MSRB3: variants seen among roughly 807,000 people sequenced by gnomAD.
The protein encoded by MSRB3 is methionine-R-sulfoxide reductase B3.
In MSRB3, 13 loss-of-function variants were observed where a neutral mutation model predicts 21.0. That is an observed-to-expected ratio of 0.62 (90% confidence interval 0.40 to 0.98). The LOEUF (loss-of-function observed/expected upper bound fraction) is 0.98. MSRB3 is among the 50% of genes least tolerant of loss of function. The pLI is 0.00. For missense variants in MSRB3, 199 were observed against 230.3 expected (o/e 0.86, Z 0.88); for synonymous variants, 87 against 88.6 (o/e 0.98, Z 0.10).
intron 4 of MSRB3, among the ~76,000 whole-genome samples, chr12:65,332,615 C>T (rs978523796): frequency 3.3e-5 from 5 of 152,078 alleles, no homozygotes; most frequent in African/African-American, 1.2e-4. Flanking sequence ...TGCACATGTA[C>T]CCCAGAACTT....
intron 5 of MSRB3, among the ~76,000 whole-genome samples, chr12:65,369,748 G>A (rs147057939): frequency 4.6e-5 from 7 of 152,200 alleles, no homozygotes; most frequent in East Asian, 3.9e-4. Flanking sequence ...AAGGAATTAC[G>A]TATGCCCTTT....
At chr12:65,294,098 A>G (rs7306938) in intron 1 of MSRB3, among the ~76,000 whole-genome samples, 63,207 of 152,020 alleles carry the variant, frequency 0.42, 14,542 homozygotes, top group African/African-American at 0.62. Context: ...TTCTTAGGTT[A>G]GCTGTCTTTT....
chr12:65,328,670 T>C, intron 4 of MSRB3, 67 bp downstream of exon 4: 1 of 1,063,202 alleles, frequency 9.4e-7, no homozygotes, highest in Non-Finnish European at 1.5e-6. Context: ...TATTGCTTTT[T>C]CATCTTAGAA....
intron 5 of MSRB3, among the ~76,000 whole-genome samples, chr12:65,406,621 G>A (rs1052645131): frequency 6.6e-6 from 1 of 152,176 alleles, no homozygotes; most frequent in African/African-American, 2.4e-5. Context: ...AAGAGACCCT[G>A]AATAACCAAA....
At chr12:65,460,918 A>G (rs1448057763) in intron 6 of MSRB3, among the ~76,000 whole-genome samples, 2 of 152,204 alleles carry the variant, frequency 1.3e-5, no homozygotes, top group Non-Finnish European at 2.9e-5. Flanking sequence ...AATTAAGACC[A>G]TATAACTCAT....
intron 5 of MSRB3, among the ~76,000 whole-genome samples, chr12:65,446,068 T>A (rs903414783): frequency 6.6e-6 from 1 of 152,254 alleles, no homozygotes; most frequent in Non-Finnish European, 1.5e-5. Context: ...TTGTCTGGAC[T>A]GAACTAGTTT....
chr12:65,383,786 A>G (rs1374959354), intron 5 of MSRB3, among the ~76,000 whole-genome samples: 2 of 151,884 alleles, frequency 1.3e-5, no homozygotes, highest in Non-Finnish European at 2.9e-5. Flanking sequence ...TCAGCTCCCA[A>G]GTAGCTGGGA....
chr12:65,368,954 TACAA>T (rs758438058), intron 4 of MSRB3, 40 bp from the exon 5 acceptor site: 37 of 878,696 alleles, frequency 4.2e-5, no homozygotes, highest in Admixed American at 8.9e-5. Flanking sequence ...ATTGTTCTTT[TACAA>T]ACAGTTTTTA....
intron 5 of MSRB3, among the ~76,000 whole-genome samples, chr12:65,379,699 A>G (rs941192696): frequency 1.3e-5 from 2 of 152,210 alleles, no homozygotes; most frequent in Non-Finnish European, 2.9e-5. Flanking sequence ...TACGTTATCA[A>G]TAGTTATAGC....
chr12:65,392,278 G>A (rs2136580334), intron 5 of MSRB3, among the ~76,000 whole-genome samples: 1 of 152,262 alleles, frequency 6.6e-6, no homozygotes, highest in Middle Eastern at 3.4e-3. Flanking sequence ...GTCAGCCTTA[G>A]AAGTAGTAAT....
chr12:65,427,869 C>G (rs1462132581), intron 5 of MSRB3, among the ~76,000 whole-genome samples: 1 of 152,196 alleles, frequency 6.6e-6, no homozygotes, highest in African/African-American at 2.4e-5. Context: ...GAGCTTAACT[C>G]TAGGTTCTGG....
chr12:65,352,677 A>C (rs1219526508), intron 4 of MSRB3, among the ~76,000 whole-genome samples: 1 of 151,904 alleles, frequency 6.6e-6, no homozygotes, highest in Non-Finnish European at 1.5e-5. Flanking sequence ...ATAACAGACA[A>C]ACAGAGAGCC....
At chr12:65,361,466 C>G (rs1264834312) in intron 4 of MSRB3, among the ~76,000 whole-genome samples, 1 of 152,076 alleles carries the variant, frequency 6.6e-6, no homozygotes, top group Non-Finnish European at 1.5e-5. Context: ...ACCTCTGATG[C>G]CTACACAGAG....
At chr12:65,380,563 A>G (rs1878885187) in intron 5 of MSRB3, among the ~76,000 whole-genome samples, 1 of 152,198 alleles carries the variant, frequency 6.6e-6, no homozygotes, top group Non-Finnish European at 1.5e-5. Context: ...TGACAGAGTG[A>G]GACCTTGTCT....
chr12:65,336,227 A>C (rs1875753757), intron 4 of MSRB3, among the ~76,000 whole-genome samples: 1 of 152,246 alleles, frequency 6.6e-6, no homozygotes, highest in African/African-American at 2.4e-5. Flanking sequence ...CAGCCAAAGC[A>C]TGACTTTAGA....
At chr12:65,343,620 C>G (rs1254976560) in intron 4 of MSRB3, among the ~76,000 whole-genome samples, 1 of 151,982 alleles carries the variant, frequency 6.6e-6, no homozygotes, top group Admixed American at 6.6e-5. Context: ...AGAAAATTGT[C>G]TCCTTTATTT....
intron 5 of MSRB3, among the ~76,000 whole-genome samples, chr12:65,373,922 T>G (rs775077508): frequency 2.0e-5 from 3 of 152,108 alleles, no homozygotes; most frequent in African/African-American, 2.4e-5. Context: ...ACACAATCAG[T>G]TAAAGCTTGA....
intron 5 of MSRB3, among the ~76,000 whole-genome samples, chr12:65,407,070 A>G (rs1880453440): frequency 6.6e-6 from 1 of 152,234 alleles, no homozygotes; most frequent in Non-Finnish European, 1.5e-5. Context: ...CTAAGACACT[A>G]TACTAATCAA....
At chr12:65,435,402 T>C (rs1882070164) in intron 5 of MSRB3, among the ~76,000 whole-genome samples, 2 of 152,076 alleles carry the variant, frequency 1.3e-5, no homozygotes, top group Admixed American at 1.3e-4. Context: ...GCCATTTCTA[T>C]AGGGATGTTT....
Sources: allele counts gnomAD v4.1 joint callset (sites outside exome capture counted in the v4.1 genomes callset), GRCh38; gene constraint gnomAD v4.1.1; transcripts MANE v1.5; gene names NCBI Gene and HGNC (gene_info 2026-07-23, HGNC 2026-07-21).